The following TRIM5 variants were observed in gnomAD, a reference collection of about 807,000 sequenced individuals.
The protein encoded by TRIM5 is tripartite motif containing 5, also known as tripartite motif-containing protein 5.
A neutral mutation model predicts 35.6 loss-of-function variants in TRIM5; 31 were observed. The ratio of observed to expected loss-of-function variants is 0.87; its 90% CI spans 0.65 to 1.18. TRIM5 has a LOEUF of 1.18. Among genes scored for constraint, TRIM5 ranks in the 50% most tolerant of loss-of-function variants. The probability of loss-of-function intolerance (pLI) is 0.00; values close to 1 mark genes in which losing one functional copy is unlikely to be tolerated. For missense variants in TRIM5, 609 were observed against 591.6 expected (o/e 1.03, Z -0.31); for synonymous variants, 243 against 215.6 (o/e 1.13, Z -1.11).
At chr11:5,592,931 GAAAAAAGAAAAAGAAA>G in the TRIM5 span, among the ~76,000 whole-genome samples, 6 of 112,456 alleles carry the variant, frequency 5.3e-5, no homozygotes, top group African/African-American at 2.4e-4. Flanking sequence ...AAAAAAAAAA[GAAAAAAGAAAAAGAAA>G]AAAGAAGAAA....
chr11:5,626,243 T>C, the TRIM5 span, among the ~76,000 whole-genome samples: 1 of 152,226 alleles, frequency 6.6e-6, no homozygotes, highest in African/African-American at 2.4e-5. Context: ...TTAGCATCCA[T>C]TTAACATTCA....
chr11:5,632,616 T>C, the TRIM5 span: 2 of 1,613,064 alleles, frequency 1.2e-6, no homozygotes, highest in Non-Finnish European at 1.7e-6. Flanking sequence ...AGAAGAGAGA[T>C]CTCTGTGATC....
chr11:5,633,146 C>CTTTTT, the TRIM5 span, among the ~76,000 whole-genome samples: 2 of 106,816 alleles, frequency 1.9e-5, no homozygotes, highest in African/African-American at 7.0e-5. Flanking sequence ...CCTTTTCTTT[C>CTTTTT]TTTTTTTTTT....
chr11:5,614,820 CATATA>C, the TRIM5 span, among the ~76,000 whole-genome samples: 1 of 152,118 alleles, frequency 6.6e-6, no homozygotes, highest in African/African-American at 2.4e-5. Context: ...ATATAACTGA[CATATA>C]ATACATTTCA....
the TRIM5 span, among the ~76,000 whole-genome samples, chr11:5,598,084 T>C: frequency 2.3e-4 from 35 of 152,222 alleles, no homozygotes; most frequent in African/African-American, 8.0e-4. Context: ...TTTCTTCTGC[T>C]AATTTGATGC....
chr11:5,625,340 G>A, the TRIM5 span, among the ~76,000 whole-genome samples: 1 of 152,046 alleles, frequency 6.6e-6, no homozygotes, highest in Non-Finnish European at 1.5e-5. Context: ...CCTTCCTATT[G>A]TATAATTTTG....
At chr11:5,669,080 CTT>C (rs34310528) in intron 4 of TRIM5, among the ~76,000 whole-genome samples, 30 of 133,108 alleles carry the variant, frequency 2.3e-4, no homozygotes, top group Admixed American at 1.5e-4. Flanking sequence ...GGTCTACATT[CTT>C]TTTTTTTTTT....
the TRIM5 span, chr11:5,603,842 G>A: frequency 6.8e-7 from 1 of 1,467,984 alleles, no homozygotes; most frequent in Non-Finnish European, 9.0e-7. Flanking sequence ...TTTACCTAGA[G>A]AATGAACCTG....
chr11:5,669,211 C>G (rs1828577757), intron 4 of TRIM5, among the ~76,000 whole-genome samples: 2 of 151,974 alleles, frequency 1.3e-5, no homozygotes, highest in Admixed American at 6.6e-5. Flanking sequence ...TCCTGAGTAG[C>G]TGGGATTACA....
downstream of TRIM5, chr11:5,663,120 G>A (rs1026462827): frequency 4.3e-5 from 24 of 553,754 alleles, no homozygotes; most frequent in Admixed American, 2.6e-4. Flanking sequence ...GACAAACCCT[G>A]TCTCAAAACA....
the TRIM5 span, chr11:5,611,292 A>C: frequency 6.2e-7 from 1 of 1,614,104 alleles, no homozygotes. Context: ...TCCATATTTT[A>C]ATCCTTGCAA....
At chr11:5,636,660 T>C in the TRIM5 span, among the ~76,000 whole-genome samples, 1 of 152,220 alleles carries the variant, frequency 6.6e-6, no homozygotes, top group Non-Finnish European at 1.5e-5. Flanking sequence ...GCATTTGTCC[T>C]ATTTCAGTCA....
chr11:5,641,052 T>A, the TRIM5 span: 9 of 1,398,164 alleles, frequency 6.4e-6, no homozygotes, highest in East Asian at 1.8e-4. Flanking sequence ...TTGTTGACAT[T>A]TTCATATAAC....
At chr11:5,645,478 C>T in the TRIM5 span, among the ~76,000 whole-genome samples, 1 of 151,082 alleles carries the variant, frequency 6.6e-6, no homozygotes, top group Non-Finnish European at 1.5e-5. Flanking sequence ...CAATTCAATG[C>T]TAGGTTTTAA....
the TRIM5 span, chr11:5,610,238 G>T: frequency 5.6e-6 from 9 of 1,614,020 alleles, no homozygotes; most frequent in East Asian, 2.2e-5. Context: ...TGCTGCGAGT[G>T]TGTAGAGGTA....
chr11:5,665,625 G>T, intron 7 of TRIM5, 31 bp downstream of exon 7: 3 of 1,573,876 alleles, frequency 1.9e-6, no homozygotes, highest in Non-Finnish European at 2.6e-6. Flanking sequence ...TAAGCCGCAG[G>T]GTGGCTTATG....
downstream of TRIM5, among the ~76,000 whole-genome samples, chr11:5,662,758 T>C (rs1850873471): frequency 6.6e-6 from 1 of 152,218 alleles, no homozygotes; most frequent in Non-Finnish European, 1.5e-5. Context: ...GGGAGAAAGA[T>C]AATTTTGAAA....
chr11:5,590,605 C>T, the TRIM5 span: 1 of 152,122 alleles, frequency 6.6e-6, no homozygotes, highest in East Asian at 1.9e-4. Context: ...GTAAATGCAC[C>T]AATCAGCGCC....
At chr11:5,667,074 G>A (rs934278208) in intron 5 of TRIM5, among the ~76,000 whole-genome samples, 1 of 152,100 alleles carries the variant, frequency 6.6e-6, no homozygotes, top group African/African-American at 2.4e-5. Context: ...TAATAAAATG[G>A]TGATGGCGCA....
Sources: allele counts gnomAD v4.1 joint callset (sites outside exome capture counted in the v4.1 genomes callset), GRCh38; gene constraint gnomAD v4.1.1; transcripts MANE v1.5; gene names NCBI Gene and HGNC (gene_info 2026-07-23, HGNC 2026-07-21).